Variants in EHMT1 observed in about 807,000 individuals in gnomAD.
EHMT1 encodes the protein histone-lysine N-methyltransferase EHMT1.
EHMT1 carries 15 observed loss-of-function variants against 147.2 expected under a neutral mutation model. That is an observed-to-expected ratio of 0.10 (90% CI 0.07 to 0.16). The LOEUF is 0.16. Among genes scored for constraint, EHMT1 ranks in the 10% least tolerant of loss-of-function variants. The probability of loss-of-function intolerance (pLI) is 1.00; values close to 1 mark genes in which losing one functional copy is unlikely to be tolerated. For missense variants in EHMT1, 1,587 were observed against 1,772.4 expected, an observed-to-expected ratio of 0.90 and a Z score of 1.88; for synonymous variants, 795 against 709.6, an observed-to-expected ratio of 1.12 and a Z score of -1.91.
At chr9:137,788,277 G>T in intron 15 of EHMT1, 1 of 428,722 alleles carries the variant, frequency 2.3e-6, no homozygotes, top group South Asian at 6.8e-5. Flanking sequence ...ATTGCTGGGC[G>T]GTGGCAGATG....
chr9:137,821,880 A>G (rs970765549), intron 25 of EHMT1, among the ~76,000 whole-genome samples: 15 of 152,104 alleles, frequency 9.9e-5, no homozygotes, highest in African/African-American at 3.6e-4. Context: ...GTGGTCTTGT[A>G]TATGTTTTGT....
chr9:137,627,615 G>A (rs1022582873), intron 1 of EHMT1, among the ~76,000 whole-genome samples: 8 of 151,974 alleles, frequency 5.3e-5, no homozygotes, highest in South Asian at 2.1e-4. Flanking sequence ...GTGAGCCGCC[G>A]CGCCCGGCCC....
rs147157352 is a variant in EHMT1, at chr9:137,666,452, A to C, written c.22-44515A>C. ...TTATTCTCCTACCTGCCCCCATGGCAGCCTCAGTGGTGGAGGGAGTGAGGC... is the reference window on the plus strand; with the variant it reads ...TTATTCTCCTACCTGCCCCCATGGCCGCCTCAGTGGTGGAGGGAGTGAGGC... On this transcript the variant is annotated intron_variant, in intron 1 of 26. Transcript: ENST00000460843. 5.3e-5 allele frequency among the ~76,000 whole-genome samples: 8 copies of C among 152,374 alleles called. No homozygotes were observed. The East Asian group carries it at 1.5e-3, about 29-fold the overall frequency.
intron 9 of EHMT1, among the ~76,000 whole-genome samples, chr9:137,762,029 G>T (rs1949865958): frequency 6.6e-6 from 1 of 152,240 alleles, no homozygotes. Flanking sequence ...CCCTGGCTGT[G>T]CTGGGACGGG....
chr9:137,758,354 C>G (rs1268444551), intron 9 of EHMT1, among the ~76,000 whole-genome samples: 1 of 152,224 alleles, frequency 6.6e-6, no homozygotes, highest in Non-Finnish European at 1.5e-5. Flanking sequence ...CGGGGACGTA[C>G]TGTTGAATAA....
At chr9:137,692,611 A>G (rs1943039128) in intron 1 of EHMT1, among the ~76,000 whole-genome samples, 1 of 151,954 alleles carries the variant, frequency 6.6e-6, no homozygotes, top group Non-Finnish European at 1.5e-5. Flanking sequence ...CTTAGAAAGG[A>G]GTTTTTAAAA....
chr9:137,777,762 A>T (rs1335557085), intron 12 of EHMT1, 120 bp from the exon 13 acceptor site: 4 of 1,414,212 alleles, frequency 2.8e-6, no homozygotes. Context: ...TCCAGGGACT[A>T]AGCGGACAGT....
chr9:137,676,828 T>A (rs1358999322), intron 1 of EHMT1, among the ~76,000 whole-genome samples: 1 of 152,042 alleles, frequency 6.6e-6, no homozygotes, highest in East Asian at 1.9e-4. Context: ...GGTGAGGGCC[T>A]GGGATTCCAT....
chr9:137,628,146 C>T (rs1176975275), intron 1 of EHMT1, among the ~76,000 whole-genome samples: 2 of 152,202 alleles, frequency 1.3e-5, no homozygotes, highest in East Asian at 3.9e-4. Flanking sequence ...TTTGTAGTTG[C>T]AGGCATCACC....
intron 1 of EHMT1, among the ~76,000 whole-genome samples, chr9:137,634,630 CTTTTCTTTTT>C (rs1423177993): frequency 8.3e-5 from 12 of 143,942 alleles, no homozygotes; most frequent in Admixed American, 3.4e-4. Context: ...CTTTTCTTTT[CTTTTCTTTTT>C]TTTCAAGATT....
At chr9:137,770,628 A>G (rs1950531516) in intron 10 of EHMT1, among the ~76,000 whole-genome samples, 1 of 152,188 alleles carries the variant, frequency 6.6e-6, no homozygotes, top group African/African-American at 2.4e-5. Flanking sequence ...GACAGCCATA[A>G]TCTTTCACCT....
intron 4 of EHMT1, among the ~76,000 whole-genome samples, chr9:137,740,141 C>T (rs1253134190): frequency 6.6e-6 from 1 of 152,226 alleles, no homozygotes; most frequent in African/African-American, 2.4e-5. Context: ...TACCCAGCAG[C>T]CCAGCCTTCC....
chr9:137,777,994 C>G lies in EHMT1; in HGVS notation c.2131C>G (p.Leu711Val). 1.2e-6 allele frequency: 2 copies of G among 1,613,896 alleles called. No individual in the cohort carries two copies. Among genetic ancestry groups the G allele is most frequent in the Non-Finnish European group, 1.7e-6 (2 of 1,180,028 alleles). ...TGGGCTTGGGAGGCCAACTCCCGGCCTTTCCCAGGGACCAGGGAAGGAAAC... is the reference window on the plus strand; with the variant it reads ...TGGGCTTGGGAGGCCAACTCCCGGCGTTTCCCAGGGACCAGGGAAGGAAAC... ...PAGLGRPTPGLSQGPGKETLE... is the reference protein window; with the variant it reads ...PAGLGRPTPGVSQGPGKETLE... The change falls in exon 13 of 27, where the codon CTT becomes GTT. Residue 711 changes from leucine to valine, a missense_variant. This residue lies in a region of EHMT1 where 77 missense variants were observed against 79.3 expected (regional missense o/e 0.97). Coordinates refer to ENST00000460843, the MANE Select transcript of EHMT1 (RefSeq NM_024757.5).
rs368418026 is a variant in EHMT1 at position 137,743,893 on chromosome 9, G to T, written c.982-9G>T. On this transcript the variant is annotated splice_polypyrimidine_tract_variant and intron_variant, in intron 5 of 26. Transcript: ENST00000460843. ...CCTGCCTTGGGGTATACACCTGCCC[G>T]TGTTCTAGGGGGAGAAGGACCTGGG... The T allele has an allele frequency of 1.4e-5, 23 of 1,608,166 alleles. No homozygotes were observed. Among genetic ancestry groups the T allele is most frequent in the Middle Eastern group, 1.8e-4 (1 of 5,524 alleles).
intron 1 of EHMT1, among the ~76,000 whole-genome samples, chr9:137,634,321 G>A (rs777448938): frequency 6.6e-6 from 1 of 152,118 alleles, no homozygotes; most frequent in African/African-American, 2.4e-5. Flanking sequence ...CTTAATTTTT[G>A]TATATGATGT....
In EHMT1 at chr9:137,800,960, C is replaced by T. The variant is rs1953427946; in HGVS notation, c.2688C>T (p.Gly896=). 1 of 1,614,050 alleles carries T rather than the reference C, an allele frequency of 6.2e-7. No individual in the cohort carries two copies. Among genetic ancestry groups the T allele is most frequent in the Non-Finnish European group, 8.5e-7 (1 of 1,180,032 alleles). The change falls in exon 18 of 27, where the codon GGC becomes GGT. Residue 896 remains glycine, a synonymous_variant. Transcript: ENST00000460843. ...TCGTGAAGCTGCTGCTGTCCAAGGG[C>T]TCTGACATCAACATCCGAGACAACG... The part of the protein sequence containing the change: ...VDLVKLLLSK[G]SDINIRDNEE...
At chr9:137,768,337 T>TG (rs1395729805) in intron 10 of EHMT1, among the ~76,000 whole-genome samples, 1 of 150,166 alleles carries the variant, frequency 6.7e-6, no homozygotes, top group African/African-American at 2.4e-5. Flanking sequence ...GTTTTCTTCA[T>TG]TTTCTGTGTG....
intron 23 of EHMT1, 193 bp downstream of exon 23, chr9:137,816,255 C>G (rs1232290618): frequency 9.3e-6 from 6 of 648,192 alleles, no homozygotes; most frequent in Middle Eastern, 4.0e-4. Context: ...ACGAGTCATG[C>G]TTCCCCCAGC....
Position 137,775,931 on chromosome 9 carries a change from G to T in EHMT1, c.1791+679G>T, listed in dbSNP as rs1010330169. On this transcript the variant is annotated intron_variant, in intron 11 of 26. Coordinates refer to ENST00000460843, the MANE Select transcript of EHMT1 (RefSeq NM_024757.5). The surrounding 1 kb of genome is among the most constrained non-coding windows in gnomAD (Gnocchi z 6.1). Reference sequence around the variant, plus strand: ...CGCGCACACATCTGTGTGAGCCTCTGCCTGTAAGCGTCTGTCTGTGTGCGC... The same window carrying T: ...CGCGCACACATCTGTGTGAGCCTCTTCCTGTAAGCGTCTGTCTGTGTGCGC... Among the ~76,000 whole-genome samples the T allele has an allele frequency of 6.6e-6, 1 of 151,940 alleles. No individual in the cohort carries two copies. Among genetic ancestry groups the T allele is most frequent in the Non-Finnish European group, 1.5e-5 (1 of 68,008 alleles).
Sources: gnomAD v4.1 joint callset for allele counts (sites outside exome capture counted in the v4.1 genomes callset) on GRCh38, gnomAD v4.1.1 for gene constraint, gnomAD v4.1.1 regional missense constraint, Gnocchi (gnomAD v3.1) non-coding constraint, MANE v1.5 for transcripts, NCBI Gene and HGNC (gene_info 2026-07-23, HGNC 2026-07-21) for gene names.